The following CD28 variants were observed in gnomAD, a reference collection of about 807,000 sequenced individuals.
CD28 encodes T-cell-specific surface glycoprotein CD28.
CD28 carries 8 observed loss-of-function variants against 21.4 expected under a neutral mutation model. The observed-to-expected ratio is 0.37, with a 90% CI of 0.22 to 0.68. CD28 has a LOEUF of 0.68. CD28 is among the 30% of genes least tolerant of loss of function. The pLI, the probability that CD28 is intolerant of heterozygous loss-of-function variation, is 0.55. For synonymous variants in CD28, 106 were observed against 104.0 expected (o/e 1.02, Z -0.12); for missense variants, 239 against 272.2 (o/e 0.88, Z 0.86).
intron 1 of CD28, among the ~76,000 whole-genome samples, chr2:203,723,656 G>A (rs910384162): frequency 6.6e-6 from 1 of 152,208 alleles, no homozygotes; most frequent in African/African-American, 2.4e-5. Context: ...AGCATCATTA[G>A]TTATTAGAGA....
At chr2:203,707,291 A>T (rs887567866) in intron 1 of CD28, among the ~76,000 whole-genome samples, 3 of 152,050 alleles carry the variant, frequency 2.0e-5, no homozygotes, top group Non-Finnish European at 4.4e-5. Flanking sequence ...AGGTAAGCTT[A>T]GGCTTAGCTA....
At chr2:203,731,997 T>C (rs542333368) in intron 3 of CD28, among the ~76,000 whole-genome samples, 24 of 152,292 alleles carry the variant, frequency 1.6e-4, no homozygotes, top group African/African-American at 5.3e-4. Flanking sequence ...CTATATTTCG[T>C]AGAATAACAT....
intron 1 of CD28, among the ~76,000 whole-genome samples, chr2:203,720,499 A>C (rs997761957): frequency 2.0e-5 from 3 of 152,224 alleles, no homozygotes; most frequent in Admixed American, 2.0e-4. Context: ...CTGATACCCA[A>C]GTAGCCTAAG....
chr2:203,712,731 T>C (rs1693351283), intron 1 of CD28, among the ~76,000 whole-genome samples: 2 of 152,228 alleles, frequency 1.3e-5, no homozygotes, highest in African/African-American at 4.8e-5. Context: ...AAGATTAATG[T>C]AGAAAGGTAA....
chr2:203,732,915 T>C (rs1278744522), intron 3 of CD28, among the ~76,000 whole-genome samples: 1 of 152,212 alleles, frequency 6.6e-6, no homozygotes, highest in Non-Finnish European at 1.5e-5. Flanking sequence ...TTATTTTATG[T>C]GCAATGTAAA....
At chr2:203,723,267 A>G (rs1693652142) in intron 1 of CD28, among the ~76,000 whole-genome samples, 1 of 152,096 alleles carries the variant, frequency 6.6e-6, no homozygotes, top group Non-Finnish European at 1.5e-5. Flanking sequence ...CAGGCAGATC[A>G]TCTGAGGTCA....
At chr2:203,710,348 G>GT (rs1443386723) in intron 1 of CD28, among the ~76,000 whole-genome samples, 2 of 152,198 alleles carry the variant, frequency 1.3e-5, no homozygotes, top group Non-Finnish European at 2.9e-5. Context: ...CAGCAAGGAC[G>GT]TTTACAGCAA....
chr2:203,711,204 G>T (rs537765431), intron 1 of CD28, among the ~76,000 whole-genome samples: 1 of 152,266 alleles, frequency 6.6e-6, no homozygotes, highest in African/African-American at 2.4e-5. Flanking sequence ...GAAGCTGGGG[G>T]GAAGGTAACC....
At chr2:203,733,896 T>C (rs1339847991) in intron 3 of CD28, among the ~76,000 whole-genome samples, 2 of 152,206 alleles carry the variant, frequency 1.3e-5, no homozygotes, top group Non-Finnish European at 2.9e-5. Context: ...GGCAGGAGTG[T>C]ATGGAAACAA....
intron 1 of CD28, among the ~76,000 whole-genome samples, chr2:203,716,283 A>G (rs1693460450): frequency 6.6e-6 from 1 of 152,124 alleles, no homozygotes; most frequent in African/African-American, 2.4e-5. Context: ...AGTCTCTACA[A>G]AAGCCTCCAG....
intron 1 of CD28, among the ~76,000 whole-genome samples, chr2:203,712,200 C>CA (rs3835894): frequency 0.65 from 97,489 of 150,928 alleles, 31,926 homozygotes; most frequent in South Asian, 0.82. Context: ...TCAACAACAA[C>CA]AAAAAAAAGA....
At chr2:203,723,712 G>C (rs779834785) in intron 1 of CD28, among the ~76,000 whole-genome samples, 2 of 152,116 alleles carry the variant, frequency 1.3e-5, no homozygotes, top group African/African-American at 2.4e-5. Context: ...CGTCCACCAG[G>C]ATGGCTATAA....
At chr2:203,727,162 G>T (rs116713883) in intron 2 of CD28, among the ~76,000 whole-genome samples, 173 bp downstream of exon 2, 1 of 152,158 alleles carries the variant, frequency 6.6e-6, no homozygotes, top group South Asian at 2.1e-4. Context: ...GGAGATTCAA[G>T]GTTATATTTT....
chr2:203,716,538 A>C (rs925256626), intron 1 of CD28, among the ~76,000 whole-genome samples: 2 of 152,196 alleles, frequency 1.3e-5, no homozygotes, highest in Non-Finnish European at 2.9e-5. Context: ...AGAATACCAA[A>C]GGACGATTCT....
chr2:203,715,833 C>T (rs1693448448), intron 1 of CD28, among the ~76,000 whole-genome samples: 1 of 152,150 alleles, frequency 6.6e-6, no homozygotes, highest in Admixed American at 6.6e-5. Context: ...TGTTCACCAT[C>T]AGTCTGTAAA....
intron 1 of CD28, among the ~76,000 whole-genome samples, chr2:203,724,882 A>G (rs1309292727): frequency 6.6e-6 from 1 of 152,230 alleles, no homozygotes; most frequent in Non-Finnish European, 1.5e-5. Context: ...AAATAAACTT[A>G]AAAGAAATGC....
At chr2:203,708,281 A>T (rs768726390) in intron 1 of CD28, among the ~76,000 whole-genome samples, 1 of 152,242 alleles carries the variant, frequency 6.6e-6, no homozygotes, top group Non-Finnish European at 1.5e-5. Context: ...AATGAAAGAC[A>T]TGAGTTGGCA....
At chr2:203,728,683 T>C (rs1007586861) in intron 2 of CD28, among the ~76,000 whole-genome samples, 1 of 152,196 alleles carries the variant, frequency 6.6e-6, no homozygotes, top group Admixed American at 6.5e-5. Context: ...ATATTTTAAT[T>C]GTATCAAGTC....
chr2:203,727,194 C>A (rs574727049), intron 2 of CD28, among the ~76,000 whole-genome samples: 57 of 152,262 alleles, frequency 3.7e-4, no homozygotes, highest in African/African-American at 1.3e-3. Flanking sequence ...TTTTCCTTTG[C>A]TGACATTGAG....
Sources: allele counts gnomAD v4.1 joint callset (sites outside exome capture counted in the v4.1 genomes callset), GRCh38; gene constraint gnomAD v4.1.1; transcripts MANE v1.5; gene names NCBI Gene and HGNC (gene_info 2026-07-23, HGNC 2026-07-21).